UVRAG: variants seen among roughly 807,000 people sequenced by gnomAD.
The protein encoded by UVRAG is UV radiation resistance-associated gene protein.
In UVRAG, 19 loss-of-function variants were observed where a neutral mutation model predicts 78.0. The ratio of observed to expected loss-of-function variants is 0.24; its 90% CI spans 0.17 to 0.36. UVRAG has a LOEUF of 0.36. Ranked by LOEUF, UVRAG falls within the 10% of genes least tolerant of loss-of-function variation. The probability of loss-of-function intolerance (pLI) is 1.00; values close to 1 mark genes in which losing one functional copy is unlikely to be tolerated. For missense variants in UVRAG, 740 were observed against 853.8 expected (o/e 0.87, Z 1.66); for synonymous variants, 323 against 324.6 (o/e 1.00, Z 0.05).
chr11:76,133,679 T>G (rs566058058), intron 14 of UVRAG, among the ~76,000 whole-genome samples: 1 of 152,316 alleles, frequency 6.6e-6, no homozygotes, highest in East Asian at 1.9e-4. Flanking sequence ...GAAGCTAAAT[T>G]CATGCAGAAC....
intron 13 of UVRAG, among the ~76,000 whole-genome samples, chr11:76,085,063 CAA>C (rs781218840): frequency 0.11 from 5,558 of 49,128 alleles, 140 homozygotes; most frequent in African/African-American, 0.18. Context: ...GACCCTGTCT[CAA>C]AAAAAAAAAA....
intron 12 of UVRAG, among the ~76,000 whole-genome samples, chr11:76,019,464 C>T (rs1487005957): frequency 1.3e-5 from 2 of 152,152 alleles, no homozygotes; most frequent in African/African-American, 2.4e-5. Context: ...ACAGTGTGGG[C>T]TTGTTTATAC....
At chr11:75,822,292 A>G (rs975591515) in intron 1 of UVRAG, among the ~76,000 whole-genome samples, 2 of 152,180 alleles carry the variant, frequency 1.3e-5, no homozygotes, top group African/African-American at 4.8e-5. Flanking sequence ...CTGTGGTAGC[A>G]TATGATAGGA....
At chr11:75,923,704 C>G (rs546437744) in intron 6 of UVRAG, among the ~76,000 whole-genome samples, 1 of 152,122 alleles carries the variant, frequency 6.6e-6, no homozygotes, top group African/African-American at 2.4e-5. Context: ...ACTCATCGCT[C>G]TGTCCATTTT....
At chr11:75,827,646 C>G (rs61898010) in intron 1 of UVRAG, among the ~76,000 whole-genome samples, 15 of 152,052 alleles carry the variant, frequency 9.9e-5, no homozygotes, top group Non-Finnish European at 2.2e-4. Context: ...AAAACTAATT[C>G]TGAGTGCAGG....
At chr11:76,072,016 A>G (rs1014916058) in intron 13 of UVRAG, among the ~76,000 whole-genome samples, 4 of 152,166 alleles carry the variant, frequency 2.6e-5, no homozygotes, top group Non-Finnish European at 5.9e-5. Flanking sequence ...AGTACAGGGT[A>G]TAGAAATTTG....
At chr11:76,022,885 G>GGTGTACC (rs1033535218) in intron 12 of UVRAG, among the ~76,000 whole-genome samples, 5 of 151,748 alleles carry the variant, frequency 3.3e-5, no homozygotes, top group African/African-American at 1.2e-4. Flanking sequence ...TATTTTTTGA[G>GGTGTACC]GTGTACCCTT....
Position 76,054,992 on chromosome 11 carries a change from T to TA in UVRAG, c.1227-10717dup, listed in dbSNP as rs1433227566. Among the ~76,000 whole-genome samples, 6 of 152,348 alleles carry TA rather than the reference T, an allele frequency of 3.9e-5. No individual in the cohort carries two copies. The South Asian group carries it at 1.0e-3, about 26-fold the overall frequency. ...CTTTTACTCTAATTTCAAATGCTCT[T>TA]ACGTCTTCTCTCTTTCAAATTTCTG... On this transcript the variant is annotated intron_variant, in intron 12 of 14. Coordinates refer to ENST00000356136, the MANE Select transcript of UVRAG (RefSeq NM_003369.4).
intron 14 of UVRAG, among the ~76,000 whole-genome samples, chr11:76,124,068 A>G (rs1409554861): frequency 6.6e-6 from 1 of 152,208 alleles, no homozygotes; most frequent in Non-Finnish European, 1.5e-5. Flanking sequence ...CCAGCTGAGT[A>G]TCAGTTCTTT....
chr11:76,071,081 G>A (rs562660627), intron 13 of UVRAG, among the ~76,000 whole-genome samples: 14 of 152,214 alleles, frequency 9.2e-5, no homozygotes, highest in African/African-American at 2.6e-4. Context: ...TCCCTGTCTC[G>A]TTAAGCTTAT....
At chr11:76,092,794 A>G (rs1951725904) in intron 13 of UVRAG, among the ~76,000 whole-genome samples, 1 of 151,930 alleles carries the variant, frequency 6.6e-6, no homozygotes, top group Non-Finnish European at 1.5e-5. Flanking sequence ...TCACCTGTTC[A>G]CTCTGATGAT....
chr11:75,899,281 A>G (rs1947430165), intron 5 of UVRAG, among the ~76,000 whole-genome samples: 2 of 152,160 alleles, frequency 1.3e-5, no homozygotes, highest in Non-Finnish European at 1.5e-5. Flanking sequence ...TAACAGTATT[A>G]TACTAGGTAA....
intron 1 of UVRAG, among the ~76,000 whole-genome samples, chr11:75,851,244 T>G (rs1191485254): frequency 6.6e-6 from 1 of 152,226 alleles, no homozygotes; most frequent in Non-Finnish European, 1.5e-5. Context: ...TCTAAACTTA[T>G]GATTTCAAAT....
At chr11:75,986,702 A>G (rs1949507546) in intron 8 of UVRAG, among the ~76,000 whole-genome samples, 1 of 152,170 alleles carries the variant, frequency 6.6e-6, no homozygotes, top group Non-Finnish European at 1.5e-5. Flanking sequence ...TTGTGCAGTG[A>G]TCACCACAAT....
At chr11:75,899,497 C>T (rs1364386795) in intron 5 of UVRAG, among the ~76,000 whole-genome samples, 1 of 151,966 alleles carries the variant, frequency 6.6e-6, no homozygotes, top group Non-Finnish European at 1.5e-5. Flanking sequence ...AGTGAAGTAC[C>T]TTAGAAGAAG....
At chr11:75,881,913 A>G (rs1016031864) in intron 4 of UVRAG, among the ~76,000 whole-genome samples, 3 of 152,246 alleles carry the variant, frequency 2.0e-5, no homozygotes, top group Non-Finnish European at 2.9e-5. Flanking sequence ...GAAATGATTC[A>G]AGATCACACA....
At chr11:75,881,435 C>T (rs1458116394) in intron 4 of UVRAG, among the ~76,000 whole-genome samples, 1 of 152,194 alleles carries the variant, frequency 6.6e-6, no homozygotes, top group East Asian at 1.9e-4. Context: ...CAAACGGTTG[C>T]ATTCTTCTGA....
chr11:76,137,466 T>G (rs767501907), intron 14 of UVRAG: 3 of 456,108 alleles, frequency 6.6e-6, no homozygotes, highest in Non-Finnish European at 1.3e-5. Context: ...AGAAAAGCTG[T>G]AATAAAAATT....
chr11:76,056,091 G>A (rs1271147213), intron 12 of UVRAG, among the ~76,000 whole-genome samples: 1 of 152,190 alleles, frequency 6.6e-6, no homozygotes, highest in Non-Finnish European at 1.5e-5. Context: ...TCAAGATACA[G>A]ATCATTGACT....
Sources: gnomAD v4.1 joint callset for allele counts (sites outside exome capture counted in the v4.1 genomes callset) on GRCh38, gnomAD v4.1.1 for gene constraint, MANE v1.5 for transcripts, NCBI Gene and HGNC (gene_info 2026-07-23, HGNC 2026-07-21) for gene names.